MYO1F: variants seen among roughly 807,000 people sequenced by gnomAD.
MYO1F encodes the protein myosin IF, also known as unconventional myosin-If.
A neutral mutation model predicts 146.6 loss-of-function variants in MYO1F; 60 were observed. The ratio of observed to expected loss-of-function variants is 0.41; its 90% CI spans 0.33 to 0.51. MYO1F has a LOEUF of 0.51. Among genes scored for constraint, MYO1F ranks in the 20% least tolerant of loss-of-function variants. MYO1F has a pLI of 0.25. For synonymous variants in MYO1F, 602 were observed against 602.1 expected, an observed-to-expected ratio of 1.00 and a Z score of 0.00; for missense variants, 1,274 against 1,534.3, an observed-to-expected ratio of 0.83 and a Z score of 2.83.
rs1241017019 is a variant in MYO1F at position 8,521,621 on chromosome 19, A to G, written c.3221-17T>C. 1.2e-6 allele frequency: 2 copies of G among 1,613,302 alleles called. No individual in the cohort carries two copies. The highest frequency in any genetic ancestry group is 2.2e-5 in the East Asian group (1 of 44,894). ...CCGAGGGATCTGTGGGAGAGAGGAA[A>G]GCTTGAGGTGCCCCTAGCTGGCCCT... On this transcript the variant is annotated splice_polypyrimidine_tract_variant and intron_variant, in intron 27 of 27. Coordinates refer to ENST00000644032, the MANE Select transcript of MYO1F (RefSeq NM_012335.4).
At chr19:8,563,473 A>G (rs1025909530) in intron 1 of MYO1F, among the ~76,000 whole-genome samples, 3 of 148,808 alleles carry the variant, frequency 2.0e-5, no homozygotes, top group African/African-American at 7.5e-5. Context: ...AACGTTTTGT[A>G]ATTTTAGTAG....
At chr19:8,538,532 T>G (rs926555034) in intron 16 of MYO1F, among the ~76,000 whole-genome samples, 6 of 151,980 alleles carry the variant, frequency 3.9e-5, no homozygotes, top group African/African-American at 1.5e-4. Flanking sequence ...TCTGCCCGAT[T>G]CAGCCTCTGA....
At chr19:8,522,911 C>G in intron 25 of MYO1F, 82 bp from the exon 26 acceptor site, 1 of 1,267,946 alleles carries the variant, frequency 7.9e-7, no homozygotes, top group Non-Finnish European at 1.1e-6. Context: ...AGTTCTCAGG[C>G]TGAGGGAGGA....
chr19:8,540,051 G>A (rs760216978), intron 15 of MYO1F, 23 bp from the exon 16 acceptor site: 1 of 1,595,918 alleles, frequency 6.3e-7, no homozygotes, highest in Admixed American at 1.7e-5. Context: ...GGGGAGAGGA[G>A]GAGTTGGAGG....
chr19:8,529,945 G>C, intron 21 of MYO1F: 2 of 619,842 alleles, frequency 3.2e-6, no homozygotes, highest in South Asian at 3.6e-5. Context: ...ATGGATCTAG[G>C]CTGGGGGATA....
intron 1 of MYO1F, among the ~76,000 whole-genome samples, chr19:8,558,542 G>T (rs1280666119): frequency 6.6e-6 from 1 of 152,052 alleles, no homozygotes; most frequent in Non-Finnish European, 1.5e-5. Context: ...CAGGAAGCCT[G>T]CCCTGGTTGC....
At chr19:8,543,703 T>C (rs1181921443) in intron 14 of MYO1F, among the ~76,000 whole-genome samples, 49 of 20,756 alleles carry the variant, frequency 2.4e-3, no homozygotes, top group Non-Finnish European at 3.5e-3. Flanking sequence ...GTGGTGGTGG[T>C]GGTGCTGGTG....
At chr19:8,543,060 C>T (rs575981422) in intron 14 of MYO1F, among the ~76,000 whole-genome samples, 3 of 152,226 alleles carry the variant, frequency 2.0e-5, no homozygotes, top group Admixed American at 1.3e-4. Context: ...CCCACGACCA[C>T]GCCCGGCTGA....
chr19:8,548,606 C>CTT (rs373162772), intron 10 of MYO1F, among the ~76,000 whole-genome samples: 28 of 142,094 alleles, frequency 2.0e-4, no homozygotes, highest in Admixed American at 1.2e-3. Flanking sequence ...TTTTTTTTTT[C>CTT]TTTTTTTTTT....
At chr19:8,525,751 C>T (rs1972241454) in intron 24 of MYO1F, among the ~76,000 whole-genome samples, 189 bp from the exon 25 acceptor site, 1 of 152,180 alleles carries the variant, frequency 6.6e-6, no homozygotes, top group African/African-American at 2.4e-5. Flanking sequence ...CCCAACACCT[C>T]ACTGGCCTTG....
chr19:8,534,428 C>A (rs572610322), intron 19 of MYO1F, among the ~76,000 whole-genome samples: 1 of 151,812 alleles, frequency 6.6e-6, no homozygotes, highest in South Asian at 2.1e-4. Flanking sequence ...CTGCCTCAGC[C>A]TCCCAGGTAG....
At chr19:8,529,686 T>G (rs1599919788) in intron 21 of MYO1F, 1 of 264,962 alleles carries the variant, frequency 3.8e-6, no homozygotes, top group Non-Finnish European at 7.5e-6. Context: ...CTAGACAAGG[T>G]GAATGAATGT....
chr19:8,563,666 G>T (rs1182656332), intron 1 of MYO1F, among the ~76,000 whole-genome samples: 4 of 151,492 alleles, frequency 2.6e-5, no homozygotes, highest in African/African-American at 4.9e-5. Context: ...CCATCAACAC[G>T]CCCAGCTAAT....
chr19:8,562,236 C>T (rs960431237), intron 1 of MYO1F, among the ~76,000 whole-genome samples: 6 of 151,658 alleles, frequency 4.0e-5, no homozygotes, highest in Admixed American at 2.0e-4. Context: ...CTCCTGACCT[C>T]GTTACCCGCC....
intron 4 of MYO1F, among the ~76,000 whole-genome samples, chr19:8,553,888 A>ACTCTCTCTCT (rs1318395114): frequency 5.9e-5 from 4 of 67,634 alleles, no homozygotes; most frequent in East Asian, 9.1e-4. Flanking sequence ...ACACACACAC[A>ACTCTCTCTCT]CACACACTCT....
At chr19:8,537,639 G>A (rs1345474302) in intron 16 of MYO1F, among the ~76,000 whole-genome samples, 1 of 152,014 alleles carries the variant, frequency 6.6e-6, no homozygotes, top group Non-Finnish European at 1.5e-5. Flanking sequence ...TTGCCATGTT[G>A]GTCAGGCTGG....
At chr19:8,528,933 G>A (rs951480618) in intron 21 of MYO1F, among the ~76,000 whole-genome samples, 5 of 152,108 alleles carry the variant, frequency 3.3e-5, no homozygotes, top group African/African-American at 7.2e-5. Flanking sequence ...GCTGGCCTGC[G>A]GTCAGAGTTC....
intron 1 of MYO1F, among the ~76,000 whole-genome samples, chr19:8,558,225 G>A (rs1376427986): frequency 6.6e-6 from 1 of 151,768 alleles, no homozygotes; most frequent in African/African-American, 2.4e-5. Flanking sequence ...GTGCAGTGGC[G>A]GGATCATAGC....
At position 8,530,335 on chromosome 19, in the gene MYO1F, C is replaced by T. The variant is rs868521444; in HGVS notation, c.2189G>A (p.Arg730Gln). The change falls in exon 21 of 28, where the codon CGG (arginine) becomes CAG (glutamine). Residue 730 changes from arginine to glutamine, a missense_variant. Coordinates refer to ENST00000644032, the MANE Select transcript of MYO1F (RefSeq NM_012335.4). The surrounding 1 kb of genome is among the most constrained non-coding windows in gnomAD (Gnocchi z 5.8). ...GTTCCGATTGATGCTGTTGCGCCTC[C>T]GCTCCTTCTTGTTCAGCAGGATGTT... Reference protein sequence around the residue: ...ASNILLNKKERRRNSINRNFV... With the variant: ...ASNILLNKKEQRRNSINRNFV... 5.6e-6 allele frequency: 9 copies of T among 1,614,172 alleles called. No individual in the cohort carries two copies. In the Middle Eastern group the frequency reaches 1.2e-3, roughly 207 times the overall value.
Sources: allele counts gnomAD v4.1 joint callset (sites outside exome capture counted in the v4.1 genomes callset), GRCh38; gene constraint gnomAD v4.1.1; non-coding constraint Gnocchi (gnomAD v3.1); transcripts MANE v1.5; gene names NCBI Gene and HGNC (gene_info 2026-07-23, HGNC 2026-07-21).